Variants in GRM7 observed in about 807,000 individuals in gnomAD.
The protein encoded by GRM7 is glutamate metabotropic receptor 7.
GRM7 carries 35 observed loss-of-function variants against 84.5 expected under a neutral mutation model. The observed-to-expected ratio is 0.41, with a 90% CI of 0.32 to 0.55. The LOEUF is 0.55. GRM7 is among the 20% of genes least tolerant of loss of function. GRM7 has a pLI of 0.19. For missense variants in GRM7, 1,003 were observed against 1,194.6 expected (o/e 0.84, Z 2.36); for synonymous variants, 487 against 455.1 (o/e 1.07, Z -0.89).
chr3:7,409,574 G>GTTTGTTTTGT (rs143653987), intron 4 of GRM7, among the ~76,000 whole-genome samples: 46 of 150,070 alleles, frequency 3.1e-4, no homozygotes, highest in African/African-American at 8.4e-4. Flanking sequence ...TCTGTTTTGT[G>GTTTGTTTTGT]TTTGTTTTGT....
At chr3:7,114,621 ATT>A (rs1692969289) in intron 1 of GRM7, among the ~76,000 whole-genome samples, 1 of 152,188 alleles carries the variant, frequency 6.6e-6, no homozygotes, top group Non-Finnish European at 1.5e-5. Context: ...CACAGGTCCA[ATT>A]GAGAAAACTT....
chr3:7,453,035 T>G (rs1406162781), intron 6 of GRM7, among the ~76,000 whole-genome samples: 1 of 151,676 alleles, frequency 6.6e-6, no homozygotes, highest in Admixed American at 6.6e-5. Flanking sequence ...AGAGATTTTT[T>G]TTTTTTTTTT....
At chr3:7,199,784 A>G (rs1473020561) in intron 2 of GRM7, among the ~76,000 whole-genome samples, 1 of 152,142 alleles carries the variant, frequency 6.6e-6, no homozygotes, top group Admixed American at 6.5e-5. Flanking sequence ...GGTACCCAAT[A>G]ATTTTTCTCT....
chr3:7,046,635 G>T (rs1696816529), intron 1 of GRM7, among the ~76,000 whole-genome samples: 1 of 152,038 alleles, frequency 6.6e-6, no homozygotes, highest in African/African-American at 2.4e-5. Context: ...ATTTCATATG[G>T]GTAACTAGCT....
chr3:7,130,759 T>C (rs950357894), intron 1 of GRM7, among the ~76,000 whole-genome samples: 2 of 152,088 alleles, frequency 1.3e-5, no homozygotes, highest in Non-Finnish European at 2.9e-5. Context: ...AATTGGAAGA[T>C]GATATGGTGG....
intron 4 of GRM7, among the ~76,000 whole-genome samples, chr3:7,371,701 T>C (rs925906732): frequency 7.2e-5 from 11 of 152,186 alleles, no homozygotes. Context: ...TCTCCTCCTC[T>C]ATGGACATAT....
intron 2 of GRM7, among the ~76,000 whole-genome samples, chr3:7,160,239 T>C (rs1042876762): frequency 6.6e-6 from 1 of 152,060 alleles, no homozygotes; most frequent in Admixed American, 6.6e-5. Flanking sequence ...TTCTGTGAAG[T>C]ACTAACAGCC....
intron 7 of GRM7, among the ~76,000 whole-genome samples, chr3:7,534,023 T>C (rs1701145624): frequency 6.6e-6 from 1 of 150,998 alleles, no homozygotes; most frequent in South Asian, 2.1e-4. Flanking sequence ...TTTTTTTTTT[T>C]TTTTTTTTTG....
At chr3:7,012,889 C>T (rs1354727103) in intron 1 of GRM7, among the ~76,000 whole-genome samples, 1 of 152,140 alleles carries the variant, frequency 6.6e-6, no homozygotes, top group African/African-American at 2.4e-5. Flanking sequence ...TACAGGTGTG[C>T]ATCATCATAT....
chr3:7,562,991 T>G (rs563304152), intron 7 of GRM7, among the ~76,000 whole-genome samples: 1 of 152,266 alleles, frequency 6.6e-6, no homozygotes, highest in South Asian at 2.1e-4. Flanking sequence ...GATTCAAAAC[T>G]TATAAAAATA....
chr3:7,529,383 C>T (rs532043170), intron 7 of GRM7, among the ~76,000 whole-genome samples: 227 of 152,244 alleles, frequency 1.5e-3, no homozygotes, highest in Non-Finnish European at 2.3e-3. Context: ...ATTCACCTAG[C>T]AAGCCAGCTG....
At chr3:7,657,371 G>A in intron 8 of GRM7, among the ~76,000 whole-genome samples, 1 of 152,356 alleles carries the variant, frequency 6.6e-6, no homozygotes, top group Admixed American at 6.5e-5. Flanking sequence ...TACAAACCCT[G>A]ATATGAACAT....
chr3:7,724,486 T>C (rs1053754276), intron 9 of GRM7, among the ~76,000 whole-genome samples: 1 of 152,296 alleles, frequency 6.6e-6, no homozygotes, highest in African/African-American at 2.4e-5. Context: ...AAATAACTAC[T>C]TTTTCCCGAT....
chr3:7,453,894 C>G (rs1392615752), intron 6 of GRM7, among the ~76,000 whole-genome samples: 1 of 152,032 alleles, frequency 6.6e-6, no homozygotes, highest in Admixed American at 6.6e-5. Flanking sequence ...TGGGGCAGGA[C>G]CCTTCTAAAA....
At chr3:7,298,345 G>A (rs1304921838) in intron 2 of GRM7, among the ~76,000 whole-genome samples, 1 of 152,076 alleles carries the variant, frequency 6.6e-6, no homozygotes, top group African/African-American at 2.4e-5. Context: ...TGTTATTAAG[G>A]GGTATTGCAT....
chr3:7,149,799 T>C (rs1365641519), intron 2 of GRM7, among the ~76,000 whole-genome samples: 1 of 152,174 alleles, frequency 6.6e-6, no homozygotes, highest in Non-Finnish European at 1.5e-5. Flanking sequence ...AGATGGTGCA[T>C]GGGGAAGCAT....
intron 1 of GRM7, among the ~76,000 whole-genome samples, chr3:6,866,331 C>A (rs1322937398): frequency 1.3e-5 from 2 of 151,544 alleles, no homozygotes; most frequent in South Asian, 2.1e-4. Context: ...GCTTCATTTG[C>A]CTTATCTGCT....
At chr3:7,516,614 T>A (rs1368433549) in intron 7 of GRM7, among the ~76,000 whole-genome samples, 1 of 150,372 alleles carries the variant, frequency 6.7e-6, no homozygotes, top group Non-Finnish European at 1.5e-5. Flanking sequence ...GGAAGCCAGA[T>A]CACTGAAGGT....
chr3:6,867,150 T>G (rs2124934488), intron 1 of GRM7, among the ~76,000 whole-genome samples: 1 of 152,286 alleles, frequency 6.6e-6, no homozygotes, highest in Admixed American at 6.5e-5. Flanking sequence ...CACATTTCTT[T>G]TTACTATTTT....
Sources: allele counts gnomAD v4.1 joint callset (sites outside exome capture counted in the v4.1 genomes callset), GRCh38; gene constraint gnomAD v4.1.1; transcripts MANE v1.5; gene names NCBI Gene and HGNC (gene_info 2026-07-23, HGNC 2026-07-21).